PTPRO: variants seen among roughly 807,000 people sequenced by gnomAD.
The protein encoded by PTPRO is protein tyrosine phosphatase receptor type O, also known as receptor-type tyrosine-protein phosphatase O.
PTPRO carries 62 observed loss-of-function variants against 145.2 expected under a neutral mutation model. That is an observed-to-expected ratio of 0.43 (90% CI 0.35 to 0.53). The LOEUF (loss-of-function observed/expected upper bound fraction) is 0.53. Ranked by LOEUF, PTPRO falls within the 20% of genes least tolerant of loss-of-function variation. PTPRO has a pLI of 0.01. For missense variants in PTPRO, 1,345 were observed against 1,482.7 expected, an observed-to-expected ratio of 0.91 and a Z score of 1.53; for synonymous variants, 565 against 514.7, an observed-to-expected ratio of 1.10 and a Z score of -1.32.
intron 1 of PTPRO, among the ~76,000 whole-genome samples, chr12:15,393,474 A>G (rs1393000836): frequency 6.6e-6 from 1 of 152,200 alleles, no homozygotes; most frequent in Admixed American, 6.5e-5. Context: ...AGTAGATTCG[A>G]TAATATCCAG....
chr12:15,411,951 AG>A (rs1326255453), intron 1 of PTPRO, among the ~76,000 whole-genome samples: 2 of 152,236 alleles, frequency 1.3e-5, no homozygotes, highest in African/African-American at 4.8e-5. Context: ...ATAAGAGAAA[AG>A]AGAGCCATCA....
chr12:15,580,158 C>A, intron 21 of PTPRO, 43 bp downstream of exon 21: 1 of 1,448,502 alleles, frequency 6.9e-7, no homozygotes, highest in Non-Finnish European at 9.6e-7. Flanking sequence ...GCTAACCAGC[C>A]AGAGAAAGAC....
chr12:15,322,531 T>G lies in PTPRO; in HGVS notation c.-196T>G. 6.2e-6 allele frequency: 4 copies of G among 647,802 alleles called. No homozygotes were observed. The highest frequency in any genetic ancestry group is 1.1e-5 in the Non-Finnish European group (4 of 357,402). The allele number at this position is 647,802 out of a possible 1,614,324, so 40.1% of individuals were successfully genotyped here. A position where few individuals can be genotyped will look rare whatever the true frequency, so the allele number is the denominator to read the frequency against. On this transcript the variant is annotated 5_prime_UTR_variant, in exon 1 of 27. Coordinates refer to ENST00000281171, the MANE Select transcript of PTPRO (RefSeq NM_030667.3). The surrounding 1 kb of genome is among the most constrained non-coding windows in gnomAD (Gnocchi z 6.3). ...TTAGTCATTAAAGAACAGCAGCGCC[T>G]GGCACGTTCTTGGAGGACCCCGGGC...
intron 23 of PTPRO, among the ~76,000 whole-genome samples, chr12:15,585,802 C>T (rs10772862): frequency 0.98 from 149,146 of 152,300 alleles, 73,108 homozygotes; most frequent in East Asian, 1. Flanking sequence ...TTTCTGATGG[C>T]TGATAACAAG....
chr12:15,537,609 A>G (rs1222891126), intron 12 of PTPRO, among the ~76,000 whole-genome samples: 1 of 152,204 alleles, frequency 6.6e-6, no homozygotes, highest in Non-Finnish European at 1.5e-5. Context: ...GACGGGAAAA[A>G]AAAATCTAAA....
At chr12:15,529,667 A>G (rs1942919662) in intron 12 of PTPRO, among the ~76,000 whole-genome samples, 1 of 152,140 alleles carries the variant, frequency 6.6e-6, no homozygotes, top group Non-Finnish European at 1.5e-5. Context: ...AAGCAAATAA[A>G]TAAATAAACT....
Position 15,322,659 on chromosome 12 carries a change from C to G in PTPRO, c.-68C>G, listed in dbSNP as rs1403656695. 9.4e-6 allele frequency: 13 copies of G among 1,388,896 alleles called. No homozygotes were observed. Among genetic ancestry groups the G allele is most frequent in the South Asian group, 1.2e-5 (1 of 81,324 alleles). The allele number at this position is 1,388,896 out of a possible 1,614,324, so 86.0% of individuals were successfully genotyped here. On this transcript the variant is annotated 5_prime_UTR_variant, in exon 1 of 27. Coordinates refer to ENST00000281171, the MANE Select transcript of PTPRO (RefSeq NM_030667.3). The surrounding 1 kb of genome is among the most constrained non-coding windows in gnomAD (Gnocchi z 6.3). ...GGTCTGAGGCTGCAGCCCCAGTTCG[C>G]CATTGTGAGCCGCCGCCGGGGGAGT...
Position 15,520,189 on chromosome 12 carries a change from T to A in PTPRO, c.1780-12T>A. 6.3e-7 allele frequency: 1 copy of A among 1,594,686 alleles called. No individual in the cohort carries two copies. Among genetic ancestry groups the A allele is most frequent in the Non-Finnish European group, 8.6e-7 (1 of 1,162,340 alleles). The stretch of plus-strand genomic sequence containing the variant: ...ACAGTCTTTTGTCTCCTTGCTTGCT[T>A]TTCTCATTCAGAGAATAGCTAATCT... On this transcript the variant is annotated splice_polypyrimidine_tract_variant and intron_variant, in intron 9 of 26. Transcript: ENST00000281171.
chr12:15,461,761 T>C (rs1320547446), intron 1 of PTPRO, among the ~76,000 whole-genome samples: 1 of 151,716 alleles, frequency 6.6e-6, no homozygotes, highest in Non-Finnish European at 1.5e-5. Flanking sequence ...AGAGATGGGG[T>C]TTCACCGTGT....
Position 15,501,799 on chromosome 12 carries a change from T to G in PTPRO, c.841T>G (p.Ser281Ala). 6.2e-7 allele frequency: 1 copy of G among 1,614,136 alleles called. No homozygotes were observed. Among genetic ancestry groups the G allele is most frequent in the Non-Finnish European group, 8.5e-7 (1 of 1,180,024 alleles). The change falls in exon 5 of 27, where the codon TCC becomes GCC. Residue 281 changes from serine (S) to alanine (A), a missense_variant. Around this residue, in one of 3 missense-constraint regions of PTPRO, gnomAD observed 1,130 missense variants for 1,214.7 expected, o/e 0.93. Coordinates refer to ENST00000281171, the MANE Select transcript of PTPRO (RefSeq NM_030667.3). ...TPEIPSGNIS[S>A]GWPDFNSSDY... ...TGAAATTCCCTCGGGCAACATTTCT[T>G]CCGGTTGGCCTGATTTTAATAGCAG...
intron 2 of PTPRO, among the ~76,000 whole-genome samples, chr12:15,485,168 A>C (rs528594004): frequency 1.1e-4 from 17 of 151,876 alleles, no homozygotes; most frequent in South Asian, 4.1e-4. Flanking sequence ...AGAAGCAAAA[A>C]CTCAGAACCA....
intron 17 of PTPRO, among the ~76,000 whole-genome samples, chr12:15,562,689 T>C (rs1943803624): frequency 6.6e-6 from 1 of 152,128 alleles, no homozygotes; most frequent in Admixed American, 6.6e-5. Context: ...ATGTTTCCTA[T>C]TGAAAGAAAT....
At chr12:15,478,000 G>A (rs1256061144) in intron 1 of PTPRO, among the ~76,000 whole-genome samples, 1 of 152,112 alleles carries the variant, frequency 6.6e-6, no homozygotes, top group Non-Finnish European at 1.5e-5. Context: ...CCAAGCAGGG[G>A]ACAACCATGA....
chr12:15,334,559 A>C (rs1164564574), intron 1 of PTPRO, among the ~76,000 whole-genome samples: 1 of 152,184 alleles, frequency 6.6e-6, no homozygotes, highest in East Asian at 1.9e-4. Context: ...GGTATTACAT[A>C]ATCTTGTAAT....
At position 15,322,666 on chromosome 12, in the gene PTPRO, G is replaced by A; in HGVS notation, c.-61G>A. 1 of 1,462,950 alleles carries A rather than the reference G, an allele frequency of 6.8e-7. No individual in the cohort carries two copies. The allele number at this position is 1,462,950 out of a possible 1,614,324, so 90.6% of individuals were successfully genotyped here. A position where few individuals can be genotyped will look rare whatever the true frequency, so the allele number is the denominator to read the frequency against. The stretch of plus-strand genomic sequence containing the variant: ...GGCTGCAGCCCCAGTTCGCCATTGT[G>A]AGCCGCCGCCGGGGGAGTCCGCTAG... On this transcript the variant is annotated 5_prime_UTR_variant, in exon 1 of 27. Coordinates refer to ENST00000281171, the MANE Select transcript of PTPRO (RefSeq NM_030667.3). The surrounding 1 kb of genome is among the most constrained non-coding windows in gnomAD (Gnocchi z 6.3).
chr12:15,476,152 TGTG>T (rs1410830199), intron 1 of PTPRO, among the ~76,000 whole-genome samples: 1 of 152,050 alleles, frequency 6.6e-6, no homozygotes, highest in Non-Finnish European at 1.5e-5. Flanking sequence ...TTGTTGTTGC[TGTG>T]GTGGTGGTGG....
intron 1 of PTPRO, among the ~76,000 whole-genome samples, chr12:15,367,724 G>A (rs1018969775): frequency 9.9e-5 from 15 of 152,114 alleles, no homozygotes; most frequent in Admixed American, 8.5e-4. Flanking sequence ...CCTCCCAGTT[G>A]ATCAGGTCAA....
intron 1 of PTPRO, among the ~76,000 whole-genome samples, chr12:15,460,421 T>A (rs965550048): frequency 2.0e-5 from 3 of 152,228 alleles, no homozygotes; most frequent in Non-Finnish European, 4.4e-5. Flanking sequence ...TTTTCTAGTA[T>A]GTTTGTGACT....
At chr12:15,389,952 C>A (rs1361175616) in intron 1 of PTPRO, among the ~76,000 whole-genome samples, 1 of 152,012 alleles carries the variant, frequency 6.6e-6, no homozygotes, top group Non-Finnish European at 1.5e-5. Flanking sequence ...AACAAGAGAC[C>A]AAGTCTTATA....
Sources: allele counts gnomAD v4.1 joint callset (sites outside exome capture counted in the v4.1 genomes callset), GRCh38; gene constraint gnomAD v4.1.1; regional missense constraint gnomAD v4.1.1; non-coding constraint Gnocchi (gnomAD v3.1); transcripts MANE v1.5; gene names NCBI Gene and HGNC (gene_info 2026-07-23, HGNC 2026-07-21).